The following ADAM22 variants were observed in gnomAD, a reference collection of about 807,000 sequenced individuals.
ADAM22 encodes ADAM metallopeptidase domain 22.
A neutral mutation model predicts 144.6 loss-of-function variants in ADAM22; 65 were observed. The ratio of observed to expected loss-of-function variants is 0.45; its 90% CI spans 0.37 to 0.55. The LOEUF (loss-of-function observed/expected upper bound fraction) is 0.55, where lower values mean the gene tolerates loss of function less well. ADAM22 is among the 20% of genes least tolerant of loss of function. The probability of loss-of-function intolerance (pLI) is 0.00; values close to 1 mark genes in which losing one functional copy is unlikely to be tolerated. For missense variants in ADAM22, 974 were observed against 1,184.9 expected, an observed-to-expected ratio of 0.82 and a Z score of 2.61; for synonymous variants, 391 against 412.6, an observed-to-expected ratio of 0.95 and a Z score of 0.63.
chr7:88,168,078 A>G, intron 24 of ADAM22, 59 bp from the exon 25 acceptor site: 1 of 1,437,002 alleles, frequency 7.0e-7, no homozygotes, highest in Non-Finnish European at 9.7e-7. Context: ...ACTGAACAAT[A>G]AAGTTTCTGA....
chr7:87,947,455 G>A (rs1843972081), intron 2 of ADAM22, among the ~76,000 whole-genome samples: 1 of 151,804 alleles, frequency 6.6e-6, no homozygotes, highest in South Asian at 2.1e-4. Flanking sequence ...AGTTACTAGA[G>A]GTAAGACTAT....
chr7:88,013,117 G>A (rs1795815176), intron 3 of ADAM22, among the ~76,000 whole-genome samples: 1 of 152,170 alleles, frequency 6.6e-6, no homozygotes, highest in African/African-American at 2.4e-5. Context: ...TCCACAGTCA[G>A]CCTCCAGCAA....
At chr7:88,194,186 A>C (rs73397609) in intron 31 of ADAM22, among the ~76,000 whole-genome samples, 7,571 of 152,190 alleles carry the variant, frequency 0.05, 640 homozygotes, top group African/African-American at 0.17. Context: ...AAGTGTAGCA[A>C]CCCACTTTCT....
chr7:87,997,802 G>C (rs2129454735), intron 3 of ADAM22, among the ~76,000 whole-genome samples: 1 of 152,250 alleles, frequency 6.6e-6, no homozygotes, highest in South Asian at 2.1e-4. Context: ...TGCTTCTAAG[G>C]GCTTGTATTA....
At chr7:88,142,528 A>C (rs1834992041) in intron 14 of ADAM22, among the ~76,000 whole-genome samples, 1 of 152,184 alleles carries the variant, frequency 6.6e-6, no homozygotes, top group Non-Finnish European at 1.5e-5. Context: ...ATTAGTCACC[A>C]AATGAGGAAT....
At position 88,053,648 on chromosome 7, in the gene ADAM22, G is replaced by C. The variant is rs533241817; in HGVS notation, c.324-21978G>C. On this transcript the variant is annotated intron_variant, in intron 3 of 31. Coordinates refer to ENST00000413139, the MANE Select transcript of ADAM22 (RefSeq NM_001324418.2). ...AGAAAGAAAGAAAGAAAGAAAGAAAGAAACCAAGTAAAAAAGATATCTTCA... is the reference window on the plus strand; with the variant it reads ...AGAAAGAAAGAAAGAAAGAAAGAAACAAACCAAGTAAAAAAGATATCTTCA... Among the ~76,000 whole-genome samples the C allele has an allele frequency of 5.4e-5, 8 of 146,850 alleles. No individual in the cohort carries two copies. In the South Asian group the frequency reaches 1.7e-3, roughly 32 times the overall value.
chr7:87,934,394 G>A lies in ADAM22; in HGVS notation c.-72G>A. The A allele has an allele frequency of 6.8e-7, 1 of 1,465,640 alleles. No individual in the cohort carries two copies. The highest frequency in any genetic ancestry group is 9.2e-7 in the Non-Finnish European group (1 of 1,089,560). 90.8% of individuals were successfully genotyped at this position (1,465,640 alleles called of 1,614,324 possible). ...CGCGGGGACCCCGGGGGCGCGGAGCGAGGGAAACGGACTCGGCGGCGCCGG... is the reference window on the plus strand; with the variant it reads ...CGCGGGGACCCCGGGGGCGCGGAGCAAGGGAAACGGACTCGGCGGCGCCGG... On this transcript the variant is annotated 5_prime_UTR_variant, in exon 1 of 32. Coordinates refer to ENST00000413139, the MANE Select transcript of ADAM22 (RefSeq NM_001324418.2).
chr7:87,990,749 G>A (rs1347640236), intron 3 of ADAM22, among the ~76,000 whole-genome samples: 1 of 151,968 alleles, frequency 6.6e-6, no homozygotes, highest in East Asian at 1.9e-4. Flanking sequence ...TGCAACCTCT[G>A]CCTCCCAGGT....
intron 13 of ADAM22, among the ~76,000 whole-genome samples, chr7:88,135,121 T>C (rs1190627623): frequency 1.3e-5 from 2 of 150,986 alleles, no homozygotes; most frequent in African/African-American, 4.9e-5. Flanking sequence ...ATACTAGAAA[T>C]AGAAAAATTA....
intron 2 of ADAM22, among the ~76,000 whole-genome samples, chr7:87,940,826 A>G (rs990090863): frequency 2.0e-5 from 3 of 152,194 alleles, no homozygotes; most frequent in Non-Finnish European, 4.4e-5. Context: ...ATTTGTGCTG[A>G]AAGAATTGTA....
intron 4 of ADAM22, among the ~76,000 whole-genome samples, chr7:88,094,186 TC>T (rs1172353468): frequency 6.6e-6 from 1 of 152,176 alleles, no homozygotes; most frequent in African/African-American, 2.4e-5. Context: ...TACTGAGAAC[TC>T]TTTGTAAATG....
intron 3 of ADAM22, among the ~76,000 whole-genome samples, chr7:88,001,236 T>TAA (rs978768636): frequency 6.6e-6 from 1 of 152,236 alleles, no homozygotes; most frequent in African/African-American, 2.4e-5. Flanking sequence ...TGCATATATA[T>TAA]AATGAGATAT....
intron 3 of ADAM22, among the ~76,000 whole-genome samples, chr7:88,071,719 C>A (rs2129479001): frequency 6.6e-6 from 1 of 152,104 alleles, no homozygotes; most frequent in Middle Eastern, 3.4e-3. Flanking sequence ...TTATAAACAT[C>A]TTACTTCCTT....
chr7:88,034,306 T>C (rs1171575371), intron 3 of ADAM22, among the ~76,000 whole-genome samples: 1 of 152,176 alleles, frequency 6.6e-6, no homozygotes, highest in Admixed American at 6.5e-5. Flanking sequence ...TGGCTTCCTT[T>C]TTGGGATAGC....
rs1831719880 is a variant in ADAM22, at chr7:88,131,370, A to G, written c.927A>G (p.Leu309=). The change falls in exon 11 of 32, where the codon CTA becomes CTG. Residue 309 remains leucine (L), a synonymous_variant. Transcript: ENST00000413139. ...FAISENPLIT[L]REFMKYRRDF... ...TATCTGAAAATCCATTGATCACCCT[A>G]CGTGAGTTTATGAAATACAGGAGGG... is the stretch of plus-strand genomic sequence containing the variant. The G allele has an allele frequency of 2.5e-6, 4 of 1,613,912 alleles. No homozygotes were observed. The highest frequency in any genetic ancestry group is 3.4e-6 in the Non-Finnish European group (4 of 1,179,880).
At chr7:88,180,770 G>C (rs1305221915) in intron 27 of ADAM22, among the ~76,000 whole-genome samples, 14 of 152,010 alleles carry the variant, frequency 9.2e-5, no homozygotes, top group Admixed American at 9.2e-4. Context: ...AGTATATGTA[G>C]CTTGTTAAAA....
intron 14 of ADAM22, among the ~76,000 whole-genome samples, chr7:88,141,598 C>A (rs1586120885): frequency 6.6e-6 from 1 of 151,902 alleles, no homozygotes; most frequent in Admixed American, 6.6e-5. Flanking sequence ...AAAATAAAAT[C>A]TTGGTGGCTT....
At chr7:88,168,375 T>G (rs1843416336) in intron 25 of ADAM22, 148 bp downstream of exon 25, 3 of 780,346 alleles carry the variant, frequency 3.8e-6, no homozygotes, top group Non-Finnish European at 6.8e-6. Context: ...ATGCTTATTC[T>G]TGGCATGGCG....
At position 88,171,536 on chromosome 7, in the gene ADAM22, A is replaced by T; in HGVS notation, c.2283-8A>T. 1 of 1,592,574 alleles carries T rather than the reference A, an allele frequency of 6.3e-7. No homozygotes were observed. The highest frequency in any genetic ancestry group is 2.3e-5 in the East Asian group (1 of 43,076). On this transcript the variant is annotated splice_polypyrimidine_tract_variant and splice_region_variant and intron_variant, in intron 25 of 31. Transcript: ENST00000413139. ...TTTTTCCCTCTTTCTCTTCTTGTCC[A>T]TGAAAAGAAACTATCGAGAACAGAG...
Sources: allele counts gnomAD v4.1 joint callset (sites outside exome capture counted in the v4.1 genomes callset), GRCh38; gene constraint gnomAD v4.1.1; transcripts MANE v1.5; gene names NCBI Gene and HGNC (gene_info 2026-07-23, HGNC 2026-07-21).